Variants in NF1 observed in about 807,000 individuals in gnomAD.
The protein encoded by NF1 is neurofibromin 1.
A neutral mutation model predicts 325.7 loss-of-function variants in NF1; 122 were observed. The ratio of observed to expected loss-of-function variants is 0.37; its 90% CI spans 0.32 to 0.44. The LOEUF (loss-of-function observed/expected upper bound fraction) is 0.44. NF1 is among the 20% of genes least tolerant of loss of function. The pLI, the probability that NF1 is intolerant of heterozygous loss-of-function variation, is 1.00. For synonymous variants in NF1, 1,091 were observed against 1,186.0 expected, an observed-to-expected ratio of 0.92 and a Z score of 1.65; for missense variants, 2,140 against 3,415.4, an observed-to-expected ratio of 0.63 and a Z score of 9.31.
At position 31,365,220 on chromosome 17, in the gene NF1, GGCTGTGGTGA is replaced by G. The variant is rs1396695369; in HGVS notation, c.8377+4524_8377+4533del. Among the ~76,000 whole-genome samples the G allele has an allele frequency of 6.9e-5, 10 of 145,328 alleles. No homozygotes were observed. The East Asian group carries it at 2.0e-3, about 28-fold the overall frequency. On this transcript the variant is annotated intron_variant, in intron 57 of 57. Coordinates refer to ENST00000358273, the MANE Select transcript of NF1 (RefSeq NM_001042492.3). ...GAATCACCTGAGCCGGAGAGGTCAA[GGCTGTGGTGA>G]GCTGTGATCATGCCACTGCACTCCA...
Position 31,327,808 on chromosome 17 carries a change from C to G in NF1, c.5578C>G (p.Leu1860Val), listed in dbSNP as rs746689492. The G allele has an allele frequency of 6.2e-7, 1 of 1,614,046 alleles. No homozygotes were observed. Among genetic ancestry groups the G allele is most frequent in the African/African-American group, 1.3e-5 (1 of 74,912 alleles). ...TGGGACACTGCTCAATATCGCATTA[C>G]TTAATTTAGGCAGTTCTGACCCGAG... is the stretch of plus-strand genomic sequence containing the variant. ...VPGTLLNIAL[L>V]NLGSSDPSLR... The change falls in exon 38 of 58, where the codon CTT becomes GTT. Residue 1860 changes from leucine (L) to valine (V), a missense_variant. Leu to Val is a conservative substitution (Grantham distance 32). Around this residue, in one of 10 missense-constraint regions of NF1, gnomAD observed 180 missense variants for 435.1 expected, o/e 0.41. Coordinates refer to ENST00000358273, the MANE Select transcript of NF1 (RefSeq NM_001042492.3).
intron 36 of NF1, among the ~76,000 whole-genome samples, chr17:31,270,336 AG>A (rs2067868425): frequency 6.6e-6 from 1 of 152,176 alleles, no homozygotes; most frequent in South Asian, 2.1e-4. Flanking sequence ...TGGCCGGGCA[AG>A]GTGGCTCACA....
At chr17:31,113,010 A>G (rs1913558242) in intron 1 of NF1, among the ~76,000 whole-genome samples, 1 of 152,202 alleles carries the variant, frequency 6.6e-6, no homozygotes, top group Admixed American at 6.5e-5. Flanking sequence ...CAAGTCAGGT[A>G]GTATAAGTCC....
intron 8 of NF1, 82 bp from the exon 9 acceptor site, chr17:31,200,340 T>C (rs1159712538): frequency 3.8e-6 from 5 of 1,305,864 alleles, no homozygotes; most frequent in South Asian, 1.2e-5. Context: ...TTTTAGAGGC[T>C]GTTAATTTGC....
chr17:31,291,557 G>T (rs1383507745), intron 36 of NF1, among the ~76,000 whole-genome samples: 4 of 152,192 alleles, frequency 2.6e-5, no homozygotes, highest in Non-Finnish European at 5.9e-5. Context: ...CCAGCAAGAT[G>T]TTGGGTGGTA....
intron 11 of NF1, among the ~76,000 whole-genome samples, chr17:31,204,722 G>A (rs1190409971): frequency 2.6e-5 from 4 of 152,038 alleles, no homozygotes; most frequent in African/African-American, 7.2e-5. Flanking sequence ...TATATGGGAT[G>A]CCTTTCTTAG....
intron 1 of NF1, among the ~76,000 whole-genome samples, chr17:31,143,302 T>G (rs1671401197): frequency 6.6e-6 from 1 of 152,100 alleles, no homozygotes; most frequent in African/African-American, 2.4e-5. Flanking sequence ...GGTCTTGTTC[T>G]ATCACCCAAG....
chr17:31,248,966 ATT>A lies in NF1; in HGVS notation c.3975-14_3975-13del. The A allele has an allele frequency of 6.2e-7, 1 of 1,612,990 alleles. No homozygotes were observed. The highest frequency in any genetic ancestry group is 8.5e-7 in the Non-Finnish European group (1 of 1,179,422). On this transcript the variant is annotated splice_polypyrimidine_tract_variant and intron_variant, in intron 29 of 57. Transcript: ENST00000358273. Reference sequence around the variant, plus strand: ...TTTTAAACAAAAGTGTTAGGATTTTATTTTTATTTTTTTGTAGGTTAGAACCA... The same window carrying A: ...TTTTAAACAAAAGTGTTAGGATTTTATTTATTTTTTTGTAGGTTAGAACCA...
rs2066138707 is a variant in NF1 at position 31,181,745 on chromosome 17, A to C, written c.690A>C (p.Glu230Asp). ...FWNWVENYPD[E>D]FTKLYQIPQT... ...ACTGGGTAGAAAATTATCCAGATGA[A>C]TTTACAAAACTGTACCAGATCCCAC... is the stretch of plus-strand genomic sequence containing the variant. Residue 230 changes from glutamate (E) to aspartate (D), a missense_variant, in exon 7 of 58, where the codon GAA becomes GAC. By Grantham distance (45) the Glu-to-Asp change is conservative. This residue lies in a region of NF1 where 246 missense variants were observed against 347.8 expected (regional missense o/e 0.71). Coordinates refer to ENST00000358273, the MANE Select transcript of NF1 (RefSeq NM_001042492.3). 1.2e-6 allele frequency: 2 copies of C among 1,610,018 alleles called. No individual in the cohort carries two copies. The highest frequency in any genetic ancestry group is 1.7e-6 in the Non-Finnish European group (2 of 1,176,786).
intron 46 of NF1, 146 bp downstream of exon 46, chr17:31,338,951 GTTGT>G (rs2069752457): frequency 1.6e-6 from 1 of 641,044 alleles, no homozygotes; most frequent in Non-Finnish European, 2.8e-6. Context: ...TTAAAGTTTA[GTTGT>G]TTGAAGTAGT....
At chr17:31,337,926 G>A (rs2069720902) in intron 44 of NF1, 46 bp downstream of exon 44, 2 of 1,567,480 alleles carry the variant, frequency 1.3e-6, no homozygotes, top group Non-Finnish European at 1.8e-6. Context: ...GCATATTGTT[G>A]AAAATACAGC....
At chr17:31,165,421 C>G (rs1410292341) in intron 4 of NF1, among the ~76,000 whole-genome samples, 1 of 152,148 alleles carries the variant, frequency 6.6e-6, no homozygotes, top group Non-Finnish European at 1.5e-5. Context: ...GATCACTCAC[C>G]TAAAAGACCA....
chr17:31,326,167 C>T lies in NF1; in HGVS notation c.5183C>T (p.Ala1728Val), dbSNP rs1555533395. The change falls in exon 37 of 58, where the codon GCT becomes GTT. Residue 1728 changes from alanine to valine, a missense_variant. This residue lies in a region of NF1 where 147 missense variants were observed against 186.7 expected (regional missense o/e 0.79). Transcript: ENST00000358273. ...HIEHEQQKLP[A>V]ATLALEEDLK... ...GAGCATGAACAACAGAAACTACCTG[C>T]TGCCACCTTGGCTTTAGAAGAGGAC... is the stretch of plus-strand genomic sequence containing the variant. 1.4e-5 allele frequency: 23 copies of T among 1,613,002 alleles called. No individual in the cohort carries two copies. The highest frequency in any genetic ancestry group is 1.9e-5 in the Non-Finnish European group (23 of 1,179,488).
intron 11 of NF1, among the ~76,000 whole-genome samples, chr17:31,202,052 A>G (rs1372586511): frequency 6.6e-6 from 1 of 152,234 alleles, no homozygotes; most frequent in East Asian, 1.9e-4. Context: ...ATACAAAAGC[A>G]TATCAGACAA....
intron 39 of NF1, chr17:31,331,815 T>C (rs1450162839): frequency 7.0e-6 from 1 of 142,250 alleles, no homozygotes; most frequent in Non-Finnish European, 1.5e-5. Context: ...GGCAGGAGGA[T>C]TGCTTGAGCC....
At chr17:31,261,884 T>C (rs2151466633) in intron 35 of NF1, 27 bp downstream of exon 35, 3 of 1,611,940 alleles carry the variant, frequency 1.9e-6, no homozygotes, top group Non-Finnish European at 2.5e-6. Flanking sequence ...AAATAGTTGA[T>C]TGCTTTCTTT....
chr17:31,213,024 ATTG>A (rs1406748572), intron 12 of NF1, among the ~76,000 whole-genome samples: 1 of 152,188 alleles, frequency 6.6e-6, no homozygotes, highest in African/African-American at 2.4e-5. Context: ...ATACCTGCTC[ATTG>A]TTCTCTGATC....
chr17:31,158,501 A>G (rs1054399096), intron 2 of NF1, among the ~76,000 whole-genome samples: 2 of 152,182 alleles, frequency 1.3e-5, no homozygotes, highest in African/African-American at 2.4e-5. Flanking sequence ...AAAACAAAAC[A>G]GCATTGTTAT....
intron 36 of NF1, among the ~76,000 whole-genome samples, chr17:31,302,709 G>A (rs549028437): frequency 6.6e-6 from 1 of 152,042 alleles, no homozygotes; most frequent in Non-Finnish European, 1.5e-5. Flanking sequence ...GCCAGGCGTG[G>A]TGGTGCACGC....
Sources: gnomAD v4.1 joint callset for allele counts (sites outside exome capture counted in the v4.1 genomes callset) on GRCh38, gnomAD v4.1.1 for gene constraint, gnomAD v4.1.1 regional missense constraint, MANE v1.5 for transcripts, NCBI Gene and HGNC (gene_info 2026-07-23, HGNC 2026-07-21) for gene names.